Variants in GRAMD1C observed in about 807,000 individuals in gnomAD.
The protein encoded by GRAMD1C is protein Aster-C.
Under a neutral mutation model 97.8 loss-of-function variants are expected in GRAMD1C, and 89 were observed. The observed-to-expected ratio is 0.91, with a 90% confidence interval of 0.77 to 1.09. GRAMD1C has a LOEUF of 1.09. GRAMD1C is among the 50% of genes least tolerant of loss of function. The pLI, the probability that GRAMD1C is intolerant of heterozygous loss-of-function variation, is 0.00. For missense variants in GRAMD1C, 740 were observed against 766.4 expected (o/e 0.97, Z 0.41); for synonymous variants, 256 against 267.0 (o/e 0.96, Z 0.40).
At chr3:113,857,513 C>CTACG (rs1210200276) in intron 2 of GRAMD1C, among the ~76,000 whole-genome samples, 1 of 151,726 alleles carries the variant, frequency 6.6e-6, no homozygotes, top group East Asian at 1.9e-4. Context: ...GTAGCTGGGA[C>CTACG]TACGGGCGCC....
At chr3:113,916,569 A>G (rs973515694) in intron 10 of GRAMD1C, among the ~76,000 whole-genome samples, 2 of 152,220 alleles carry the variant, frequency 1.3e-5, no homozygotes, top group African/African-American at 2.4e-5. Flanking sequence ...TTATGGACAT[A>G]AAGTCAGCAT....
chr3:113,865,928 T>G (rs1934567814), intron 2 of GRAMD1C, among the ~76,000 whole-genome samples: 1 of 152,230 alleles, frequency 6.6e-6, no homozygotes, highest in Admixed American at 6.5e-5. Flanking sequence ...AATTTTATTC[T>G]GTGTTCATAG....
At chr3:113,942,035 C>A (rs988497317) in intron 17 of GRAMD1C, among the ~76,000 whole-genome samples, 2 of 151,450 alleles carry the variant, frequency 1.3e-5, no homozygotes, top group African/African-American at 4.9e-5. Flanking sequence ...CCCACCTCAC[C>A]CTCCCGTAGC....
At chr3:113,862,043 T>C (rs1436007975) in intron 2 of GRAMD1C, among the ~76,000 whole-genome samples, 2 of 152,290 alleles carry the variant, frequency 1.3e-5, no homozygotes, top group East Asian at 3.9e-4. Context: ...GATCACATGC[T>C]TCACAAGGTA....
chr3:113,885,398 C>T (rs1331532821), intron 6 of GRAMD1C: 3 of 1,576,538 alleles, frequency 1.9e-6, no homozygotes, highest in East Asian at 2.2e-5. Flanking sequence ...CAGATCCGCA[C>T]GGTAATTCAG....
chr3:113,849,181 T>C (rs1266952234), intron 2 of GRAMD1C, among the ~76,000 whole-genome samples: 1 of 152,114 alleles, frequency 6.6e-6, no homozygotes, highest in Non-Finnish European at 1.5e-5. Flanking sequence ...GCCTTTGAGA[T>C]TGTTCATTGT....
intron 6 of GRAMD1C, among the ~76,000 whole-genome samples, chr3:113,900,810 C>A (rs560737428): frequency 1.4e-4 from 21 of 152,174 alleles, no homozygotes; most frequent in Non-Finnish European, 2.9e-4. Context: ...ACTTTAAAAT[C>A]ATTTTATCTA....
chr3:113,941,649 C>T (rs1937785491), intron 17 of GRAMD1C, among the ~76,000 whole-genome samples: 1 of 141,170 alleles, frequency 7.1e-6, no homozygotes, highest in Non-Finnish European at 1.5e-5. Context: ...GATGGAATCT[C>T]ACTCTGTCAC....
chr3:113,828,868 A>G (rs1709522254), intron 1 of GRAMD1C, among the ~76,000 whole-genome samples: 1 of 152,174 alleles, frequency 6.6e-6, no homozygotes, highest in East Asian at 1.9e-4. Context: ...ACTTATCATT[A>G]TAACTGCAAT....
chr3:113,898,970 A>T (rs910295903), intron 6 of GRAMD1C, among the ~76,000 whole-genome samples: 2 of 152,104 alleles, frequency 1.3e-5, no homozygotes, highest in Non-Finnish European at 2.9e-5. Flanking sequence ...CATGAAATGT[A>T]ATGAAGGTCA....
At chr3:113,873,643 C>T (rs1002773887) in intron 3 of GRAMD1C, among the ~76,000 whole-genome samples, 19 of 152,058 alleles carry the variant, frequency 1.2e-4, no homozygotes, top group Admixed American at 1.1e-3. Context: ...CTCGGCCTCC[C>T]GAGTAGCTGG....
intron 17 of GRAMD1C, among the ~76,000 whole-genome samples, chr3:113,941,420 A>C (rs1937769079): frequency 6.6e-6 from 1 of 151,978 alleles, no homozygotes; most frequent in African/African-American, 2.4e-5. Context: ...TGTTATTCAG[A>C]TGTCAGCCTT....
intron 6 of GRAMD1C, among the ~76,000 whole-genome samples, chr3:113,896,706 A>C (rs1409837929): frequency 6.6e-6 from 1 of 152,054 alleles, no homozygotes; most frequent in African/African-American, 2.4e-5. Flanking sequence ...GCATCACTCT[A>C]CTCTATCTCA....
intron 1 of GRAMD1C, among the ~76,000 whole-genome samples, chr3:113,832,769 A>T (rs1397843061): frequency 6.6e-6 from 1 of 152,176 alleles, no homozygotes; most frequent in African/African-American, 2.4e-5. Flanking sequence ...AAAACCGAGG[A>T]AGAAAAATAC....
intron 10 of GRAMD1C, chr3:113,920,197 G>A (rs1936987671): frequency 2.3e-6 from 3 of 1,310,606 alleles, no homozygotes; most frequent in South Asian, 2.6e-5. Context: ...AGCCTGAAAT[G>A]TGAACTGAAT....
chr3:113,902,203 T>G (rs1337628900), intron 7 of GRAMD1C, among the ~76,000 whole-genome samples: 1 of 152,208 alleles, frequency 6.6e-6, no homozygotes, highest in Non-Finnish European at 1.5e-5. Context: ...GTGCAGAAAT[T>G]TTACTCATCT....
intron 5 of GRAMD1C, among the ~76,000 whole-genome samples, chr3:113,877,011 T>C (rs1935071741): frequency 6.6e-6 from 1 of 152,174 alleles, no homozygotes; most frequent in Admixed American, 6.5e-5. Context: ...TCACTTTAAA[T>C]TTTATCTTAC....
At chr3:113,876,012 C>T (rs1450540148) in intron 4 of GRAMD1C, 153 bp from the exon 5 acceptor site, 2 of 544,426 alleles carry the variant, frequency 3.7e-6, no homozygotes, top group Non-Finnish European at 6.6e-6. Context: ...TCAGAGAATA[C>T]AAGCGTGTAC....
intron 9 of GRAMD1C, among the ~76,000 whole-genome samples, chr3:113,911,173 G>GAGACACACACACACACAC (rs375233107): frequency 1.2e-4 from 17 of 147,536 alleles, no homozygotes; most frequent in Non-Finnish European, 1.8e-4. Flanking sequence ...CAGAGAGAGA[G>GAGACACACACACACACAC]ACACACACAC....
Sources: allele counts gnomAD v4.1 joint callset (sites outside exome capture counted in the v4.1 genomes callset), GRCh38; gene constraint gnomAD v4.1.1; transcripts MANE v1.5; gene names NCBI Gene and HGNC (gene_info 2026-07-23, HGNC 2026-07-21).